Variants in AGBL1 observed in about 807,000 individuals in gnomAD.
AGBL1 encodes the protein cytosolic carboxypeptidase 4.
Under a neutral mutation model 118.9 loss-of-function variants are expected in AGBL1, and 130 were observed. The ratio of observed to expected loss-of-function variants is 1.09; its 90% CI spans 0.95 to 1.26. The LOEUF (loss-of-function observed/expected upper bound fraction) is 1.26. Among genes scored for constraint, AGBL1 ranks in the 50% most tolerant of loss-of-function variants. The probability of loss-of-function intolerance (pLI) is 0.00; values close to 1 mark genes in which losing one functional copy is unlikely to be tolerated. For synonymous variants in AGBL1, 555 were observed against 478.9 expected (o/e 1.16, Z -2.08); for missense variants, 1,584 against 1,298.1 (o/e 1.22, Z -3.38).
chr15:86,964,651 T>TA (rs2081031258), intron 23 of AGBL1, among the ~76,000 whole-genome samples: 2 of 150,878 alleles, frequency 1.3e-5, no homozygotes, highest in East Asian at 2.0e-4. Flanking sequence ...TTTTTTTTTT[T>TA]AAATACTTTA....
chr15:86,555,116 C>T (rs1194582060), intron 21 of AGBL1, among the ~76,000 whole-genome samples: 2 of 152,172 alleles, frequency 1.3e-5, no homozygotes, highest in Non-Finnish European at 1.5e-5. Flanking sequence ...AAATCACATT[C>T]TTTCTACAGC....
intron 17 of AGBL1, among the ~76,000 whole-genome samples, chr15:86,376,956 A>G (rs2081049888): frequency 6.6e-6 from 1 of 152,234 alleles, no homozygotes; most frequent in Admixed American, 6.5e-5. Flanking sequence ...ATGGTGGCAC[A>G]GGGCAAAACA....
At chr15:86,835,461 G>A (rs2079158532) in intron 22 of AGBL1, among the ~76,000 whole-genome samples, 1 of 152,138 alleles carries the variant, frequency 6.6e-6, no homozygotes, top group Non-Finnish European at 1.5e-5. Flanking sequence ...GTAAAAGGCT[G>A]TTGCCTTCTA....
intron 10 of AGBL1, among the ~76,000 whole-genome samples, 153 bp downstream of exon 10, chr15:86,263,047 A>G (rs2079018053): frequency 6.6e-6 from 1 of 152,238 alleles, no homozygotes; most frequent in Non-Finnish European, 1.5e-5. Flanking sequence ...AGAATGCTAA[A>G]CAAAAGTGGG....
chr15:86,686,989 A>G (rs2086069739), intron 22 of AGBL1, among the ~76,000 whole-genome samples: 1 of 152,098 alleles, frequency 6.6e-6, no homozygotes. Context: ...CTCCCATTTG[A>G]ACAGTGGATG....
chr15:86,788,313 A>G lies in AGBL1; in HGVS notation c.3158+113877A>G, dbSNP rs74025486. On this transcript the variant is annotated intron_variant, in intron 22 of 22. Coordinates refer to ENST00000614907, the MANE Select transcript of AGBL1 (RefSeq NM_001386094.1). ...ATTTTATTTAGCAGATTCCTAGTAA[A>G]CACATACTATATGCCAGGCTGTGTA... Among the ~76,000 whole-genome samples the G allele has an allele frequency of 6.7e-3, 1,023 of 152,326 alleles. 13 individuals carry two copies. The highest frequency in any genetic ancestry group is 0.024 in the African/African-American group (978 of 41,558).
At chr15:86,433,751 T>A (rs1308392634) in intron 18 of AGBL1, among the ~76,000 whole-genome samples, 1 of 152,184 alleles carries the variant, frequency 6.6e-6, no homozygotes, top group African/African-American at 2.4e-5. Flanking sequence ...GTGCTAAATT[T>A]GTTAATGTAT....
chr15:86,893,684 T>G (rs955949661), intron 22 of AGBL1, among the ~76,000 whole-genome samples: 3 of 152,162 alleles, frequency 2.0e-5, no homozygotes. Context: ...GGTTTATGTT[T>G]GAGGATGAGG....
At chr15:86,720,403 A>G (rs748772009) in intron 22 of AGBL1, among the ~76,000 whole-genome samples, 2 of 152,078 alleles carry the variant, frequency 1.3e-5, no homozygotes, top group Non-Finnish European at 2.9e-5. Context: ...TAACCAACTT[A>G]TTTTTGTTCT....
chr15:86,303,499 GAA>G lies in AGBL1; in HGVS notation c.2374+8095_2374+8096del, dbSNP rs1012511629. Among the ~76,000 whole-genome samples the G allele has an allele frequency of 5.3e-5, 8 of 152,174 alleles. 1 individual carries two copies. Among genetic ancestry groups the G allele is most frequent in the East Asian group, 3.9e-4 (2 of 5,184 alleles). On this transcript the variant is annotated intron_variant, in intron 17 of 22. Coordinates refer to ENST00000614907, the MANE Select transcript of AGBL1 (RefSeq NM_001386094.1). The stretch of plus-strand genomic sequence containing the variant: ...AGTTGAATGCCAACAAAGAATATGT[GAA>G]AAAGAGTAAGACTGTTGTCGGGGGA...
rs141100513 is a variant in AGBL1 at position 86,914,631 on chromosome 15, G to A, written c.*7337G>A. The stretch of plus-strand genomic sequence containing the variant: ...TTTAAGCCTAAAACTTCAGCCCAAC[G>A]AGCTAAACTCTGTTGTTATGCTCAC... On this transcript the variant is annotated 3_prime_UTR_variant, in exon 23 of 23. Coordinates refer to ENST00000614907, the MANE Select transcript of AGBL1 (RefSeq NM_001386094.1). 1.1e-4 allele frequency: 17 copies of A among 152,114 alleles called. No homozygotes were observed. 9.4% of individuals were successfully genotyped at this position (152,114 alleles called of 1,614,324 possible). A position where few individuals can be genotyped will look rare whatever the true frequency, so the allele number is the denominator to read the frequency against.
chr15:86,216,200 TTTTA>T (rs1201115150), intron 5 of AGBL1, among the ~76,000 whole-genome samples: 1 of 152,014 alleles, frequency 6.6e-6, no homozygotes, highest in East Asian at 1.9e-4. Flanking sequence ...ATAGACATAG[TTTTA>T]TTTCTTATTT....
At chr15:86,829,710 T>C (rs1052775752) in intron 22 of AGBL1, among the ~76,000 whole-genome samples, 6 of 152,114 alleles carry the variant, frequency 3.9e-5, no homozygotes, top group African/African-American at 1.4e-4. Flanking sequence ...GACCAGCAGA[T>C]TTGAGGGAGA....
At chr15:86,690,892 A>G (rs1393297083) in intron 22 of AGBL1, among the ~76,000 whole-genome samples, 1 of 152,150 alleles carries the variant, frequency 6.6e-6, no homozygotes, top group Non-Finnish European at 1.5e-5. Flanking sequence ...TGACAAGATA[A>G]GCTTGTCTAA....
intron 22 of AGBL1, among the ~76,000 whole-genome samples, chr15:86,891,198 T>C (rs1399862461): frequency 6.6e-6 from 1 of 152,140 alleles, no homozygotes; most frequent in African/African-American, 2.4e-5. Flanking sequence ...CTGTTGTTGG[T>C]GTATAGGAAT....
At chr15:86,492,023 T>G (rs962177376) in intron 18 of AGBL1, among the ~76,000 whole-genome samples, 2 of 152,068 alleles carry the variant, frequency 1.3e-5, no homozygotes, top group African/African-American at 4.8e-5. Flanking sequence ...TACCTTCATT[T>G]TTGGATGAGA....
At chr15:86,981,599 T>C (rs754662440) in intron 23 of AGBL1, among the ~76,000 whole-genome samples, 1 of 152,198 alleles carries the variant, frequency 6.6e-6, no homozygotes, top group Non-Finnish European at 1.5e-5. Context: ...TTGACATAGA[T>C]TTTGATTGTT....
intron 16 of AGBL1, among the ~76,000 whole-genome samples, chr15:86,282,634 A>G (rs2079373546): frequency 6.6e-6 from 1 of 152,202 alleles, no homozygotes; most frequent in Non-Finnish European, 1.5e-5. Context: ...TTCTCTTAAA[A>G]AAAACTTCCT....
chr15:86,895,082 TTTTATCTTCCCTCCTTCCC>T (rs2080104528), intron 22 of AGBL1, among the ~76,000 whole-genome samples: 1 of 152,104 alleles, frequency 6.6e-6, no homozygotes. Context: ...CTTCCCTTTC[TTTTATCTTCCCTCCTTCCC>T]TTTCTTTTTT....
Sources: allele counts gnomAD v4.1 joint callset (sites outside exome capture counted in the v4.1 genomes callset), GRCh38; gene constraint gnomAD v4.1.1; transcripts MANE v1.5; gene names NCBI Gene and HGNC (gene_info 2026-07-23, HGNC 2026-07-21).